AGO4: variants seen among roughly 807,000 people sequenced by gnomAD.
AGO4 encodes the protein argonaute RISC component 4.
Under a neutral mutation model 104.7 loss-of-function variants are expected in AGO4, and 33 were observed. The observed-to-expected ratio is 0.32, with a 90% CI of 0.24 to 0.42. The LOEUF is 0.42. Among genes scored for constraint, AGO4 ranks in the 10% least tolerant of loss-of-function variants. AGO4 has a pLI of 1.00. For missense variants in AGO4, 711 were observed against 1,083.4 expected (o/e 0.66, Z 4.83); for synonymous variants, 331 against 364.7 (o/e 0.91, Z 1.05).
intron 8 of AGO4, 97 bp from the exon 9 acceptor site, chr1:35,831,715 T>C: frequency 6.4e-7 from 1 of 1,551,952 alleles, no homozygotes; most frequent in Non-Finnish European, 8.7e-7. Flanking sequence ...AACCAAATTT[T>C]AATTTTTCTG....
chr1:35,848,163 A>G (rs1267815632), intron 15 of AGO4, among the ~76,000 whole-genome samples: 1 of 152,224 alleles, frequency 6.6e-6, no homozygotes, highest in Non-Finnish European at 1.5e-5. Context: ...AGCACATCAT[A>G]TAAATAGAAT....
In AGO4 at chr1:35,838,360, A is replaced by AT. The variant is rs201141909; in HGVS notation, c.1724+2376dup. Reference sequence around the variant, plus strand: ...CATGAGCCACTATGCCCAGCCTTAAATTTTTTTTTAAAGATGAGGTCTTGC... The same window carrying AT: ...CATGAGCCACTATGCCCAGCCTTAAATTTTTTTTTTAAAGATGAGGTCTTGC... On this transcript the variant is annotated intron_variant, in intron 13 of 17. Transcript: ENST00000373210. Among the ~76,000 whole-genome samples the AT allele has an allele frequency of 4.2e-4, 63 of 151,570 alleles. 1 individual carries two copies. The highest frequency in any genetic ancestry group is 6.8e-3 in the Middle Eastern group (2 of 292).
chr1:35,812,660 C>T (rs1237901386), intron 1 of AGO4, among the ~76,000 whole-genome samples: 2 of 151,992 alleles, frequency 1.3e-5, no homozygotes, highest in African/African-American at 2.4e-5. Context: ...GGCATGATCT[C>T]GGCTCACTGC....
At chr1:35,839,485 A>G (rs2148675888) in intron 13 of AGO4, among the ~76,000 whole-genome samples, 1 of 152,202 alleles carries the variant, frequency 6.6e-6, no homozygotes, top group Non-Finnish European at 1.5e-5. Flanking sequence ...AACATTCTTT[A>G]TCCTCTTATG....
chr1:35,839,984 G>GGTATT (rs1644400554), intron 13 of AGO4, among the ~76,000 whole-genome samples: 2 of 151,372 alleles, frequency 1.3e-5, no homozygotes, highest in Non-Finnish European at 2.9e-5. Flanking sequence ...AAAAAAAAAG[G>GGTATT]GTATTGTTTT....
chr1:35,825,196 T>A lies in AGO4; in HGVS notation c.307-117T>A, dbSNP rs1643986095. The A allele has an allele frequency of 5.7e-6, 6 of 1,057,302 alleles. No homozygotes were observed. In the Admixed American group the frequency reaches 1.4e-4, roughly 25 times the overall value. The allele number at this position is 1,057,302 out of a possible 1,614,324, so 65.5% of individuals were successfully genotyped here. On this transcript the variant is annotated intron_variant, in intron 3 of 17. Coordinates refer to ENST00000373210, the MANE Select transcript of AGO4 (RefSeq NM_017629.4). ...CTAAGTTGTTTCCAATGTTACACAA[T>A]TGTAAAAAAAAGTTAAAAGAAATAT... is the stretch of plus-strand genomic sequence containing the variant.
intron 7 of AGO4, among the ~76,000 whole-genome samples, chr1:35,830,314 T>C (rs1294983738): frequency 6.6e-6 from 1 of 152,166 alleles, no homozygotes; most frequent in Non-Finnish European, 1.5e-5. Context: ...GTATTTGTTC[T>C]AGTTTTAGGA....
At chr1:35,850,078 A>G (rs1644664089) in intron 15 of AGO4, 79 bp from the exon 16 acceptor site, 1 of 908,344 alleles carries the variant, frequency 1.1e-6, no homozygotes, top group Non-Finnish European at 1.7e-6. Context: ...CTTGCTCCCA[A>G]TTAACACACA....
intron 15 of AGO4, among the ~76,000 whole-genome samples, chr1:35,843,217 C>G (rs990329717): frequency 6.6e-6 from 1 of 152,112 alleles, no homozygotes; most frequent in East Asian, 1.9e-4. Context: ...AGGCGCCCAC[C>G]ACCATGCCCA....
Position 35,834,046 on chromosome 1 carries a change from G to T in AGO4, c.1436G>T (p.Gly479Val). 6.2e-7 allele frequency: 1 copy of T among 1,610,628 alleles called. No homozygotes were observed. Among genetic ancestry groups the T allele is most frequent in the Non-Finnish European group, 8.5e-7 (1 of 1,178,342 alleles). ...AAGGATGCAGGAATGCCCATCCAGG[G>T]TCAGCCATGTTTCTGCAAGTATGCA... is the stretch of plus-strand genomic sequence containing the variant. Reference protein sequence around the residue: ...ISKDAGMPIQGQPCFCKYAQG... With the variant: ...ISKDAGMPIQVQPCFCKYAQG... The change falls in exon 12 of 18, where the codon GGT (glycine) becomes GTT (valine). Residue 479 changes from glycine (G) to valine (V), a missense_variant. Coordinates refer to ENST00000373210, the MANE Select transcript of AGO4 (RefSeq NM_017629.4).
chr1:35,819,765 T>A (rs1643847934), intron 2 of AGO4, among the ~76,000 whole-genome samples: 1 of 135,770 alleles, frequency 7.4e-6, no homozygotes, highest in Non-Finnish European at 1.6e-5. Flanking sequence ...ACCACTGCAC[T>A]CCAGCCCAGG....
At chr1:35,823,063 C>A in intron 3 of AGO4, 81 bp downstream of exon 3, 1 of 1,506,728 alleles carries the variant, frequency 6.6e-7, no homozygotes, top group Non-Finnish European at 9.1e-7. Flanking sequence ...CTTCCCAACA[C>A]ACACAAAAAA....
chr1:35,845,282 G>A (rs1315029807), intron 15 of AGO4, among the ~76,000 whole-genome samples: 1 of 136,516 alleles, frequency 7.3e-6, no homozygotes, highest in Non-Finnish European at 1.5e-5. Context: ...ATCTCGGCTT[G>A]CTGCAATCTC....
At chr1:35,840,183 G>A (rs61776954) in intron 13 of AGO4, among the ~76,000 whole-genome samples, 5 of 143,126 alleles carry the variant, frequency 3.5e-5, no homozygotes, top group African/African-American at 1.3e-4. Context: ...TGTTTGAGAC[G>A]GTCTTGCTCT....
intron 3 of AGO4, among the ~76,000 whole-genome samples, chr1:35,823,253 T>TA (rs1361567803): frequency 2.2e-5 from 3 of 135,630 alleles, no homozygotes; most frequent in Non-Finnish European, 4.9e-5. Flanking sequence ...TTCTTAGAAA[T>TA]TTTTTTTTTT....
chr1:35,816,943 A>G lies in AGO4; in HGVS notation c.81A>G (p.Pro27=), dbSNP rs752694508. The G allele has an allele frequency of 2.5e-5, 40 of 1,613,952 alleles. No individual in the cohort carries two copies. The highest frequency in any genetic ancestry group is 4.0e-5 in the African/African-American group (3 of 74,914). The change falls in exon 2 of 18, where the codon CCA becomes CCG. Residue 27 remains proline (P), a synonymous_variant. Coordinates refer to ENST00000373210, the MANE Select transcript of AGO4 (RefSeq NM_017629.4). ...RRPGLGTVGK[P]IRLLANHFQV... The stretch of plus-strand genomic sequence containing the variant: ...CTGGCCTTGGAACTGTTGGAAAACC[A>G]ATTCGACTGTTAGCCAATCATTTTC...
rs1306053552 is a variant in AGO4, at chr1:35,841,897, C to T, written c.2175+147C>T. 4.3e-6 allele frequency: 2 copies of T among 465,838 alleles called. No homozygotes were observed. Among genetic ancestry groups the T allele is most frequent in the Non-Finnish European group, 6.3e-6 (2 of 316,108 alleles). The allele number at this position is 465,838 out of a possible 1,614,324, so 28.9% of individuals were successfully genotyped here. On this transcript the variant is annotated intron_variant, in intron 15 of 17. Transcript: ENST00000373210. This position sits in a 1 kb window ranked among gnomAD's most constrained non-coding sequence, Gnocchi z 4.7. ...GAAATGCCTGATAATAATTTAACTG[C>T]AGTTGGGTTTAGATGACCAATTCTG...
In AGO4 at chr1:35,856,494, T is replaced by C. The variant is rs533886333; in HGVS notation, c.*2889T>C. On this transcript the variant is annotated 3_prime_UTR_variant, in exon 18 of 18. Coordinates refer to ENST00000373210, the MANE Select transcript of AGO4 (RefSeq NM_017629.4). Reference sequence around the variant, plus strand: ...AGGCACTGTCATGTGGTGTGAAAGATTTAAATGTAGCAACGCTAAAGAGTA... The same window carrying C: ...AGGCACTGTCATGTGGTGTGAAAGACTTAAATGTAGCAACGCTAAAGAGTA... 6.6e-6 allele frequency: 1 copy of C among 152,302 alleles called. No individual in the cohort carries two copies. Among genetic ancestry groups the C allele is most frequent in the Admixed American group, 6.5e-5 (1 of 15,276 alleles). 9.4% of individuals were successfully genotyped at this position (152,302 alleles called of 1,614,324 possible).
At chr1:35,823,048 C>T (rs949788121) in intron 3 of AGO4, 66 bp downstream of exon 3, 2 of 1,557,616 alleles carry the variant, frequency 1.3e-6, no homozygotes, top group African/African-American at 2.7e-5. Context: ...AAAATATTTC[C>T]TTTTCTTCCC....
Sources: allele counts gnomAD v4.1 joint callset (sites outside exome capture counted in the v4.1 genomes callset), GRCh38; gene constraint gnomAD v4.1.1; non-coding constraint Gnocchi (gnomAD v3.1); transcripts MANE v1.5; gene names NCBI Gene and HGNC (gene_info 2026-07-23, HGNC 2026-07-21).